The following KDM4B variants were observed in gnomAD, a reference collection of about 807,000 sequenced individuals.
KDM4B encodes lysine demethylase 4B, also known as lysine-specific demethylase 4B.
In KDM4B, 32 loss-of-function variants were observed where a neutral mutation model predicts 125.2. The ratio of observed to expected loss-of-function variants is 0.26; its 90% CI spans 0.19 to 0.34. KDM4B has a LOEUF of 0.34. KDM4B is among the 10% of genes least tolerant of loss of function. The pLI, the probability that KDM4B is intolerant of heterozygous loss-of-function variation, is 1.00. For synonymous variants in KDM4B, 721 were observed against 677.9 expected (o/e 1.06, Z -0.99); for missense variants, 1,190 against 1,577.7 (o/e 0.75, Z 4.16).
chr19:4,992,652 A>G (rs914551139), intron 1 of KDM4B, among the ~76,000 whole-genome samples: 20 of 152,024 alleles, frequency 1.3e-4, no homozygotes, highest in African/African-American at 4.8e-4. Context: ...GTCTCACTAT[A>G]TTTCCCCAGG....
At chr19:5,130,710 G>C (rs2039526866) in intron 11 of KDM4B, among the ~76,000 whole-genome samples, 1 of 152,188 alleles carries the variant, frequency 6.6e-6, no homozygotes, top group Non-Finnish European at 1.5e-5. Context: ...GGCCCACCCA[G>C]GTGGGAGCCC....
At chr19:5,138,924 C>G (rs779642919) in intron 18 of KDM4B, among the ~76,000 whole-genome samples, 3 of 152,172 alleles carry the variant, frequency 2.0e-5, no homozygotes, top group African/African-American at 7.2e-5. Context: ...CTTCTGCGAC[C>G]GGCTTCTTTC....
At chr19:5,101,573 G>A (rs576693369) in intron 9 of KDM4B, among the ~76,000 whole-genome samples, 1 of 152,002 alleles carries the variant, frequency 6.6e-6, no homozygotes, top group East Asian at 1.9e-4. Context: ...ACCCAAGTGG[G>A]CAATGGATGC....
chr19:5,031,792 G>T (rs145788415), intron 2 of KDM4B, among the ~76,000 whole-genome samples: 4 of 152,206 alleles, frequency 2.6e-5, no homozygotes, highest in African/African-American at 9.7e-5. Context: ...TCTAGTGCCC[G>T]CAGTGGGGAG....
At chr19:5,062,775 GTTTTTTTTTTT>G (rs34134889) in intron 6 of KDM4B, among the ~76,000 whole-genome samples, 1 of 89,866 alleles carries the variant, frequency 1.1e-5, no homozygotes, top group Non-Finnish European at 2.1e-5. Flanking sequence ...TAATTAAACT[GTTTTTTTTTTT>G]TTTTTTTTTT....
At chr19:5,109,820 G>T (rs1309856277) in intron 9 of KDM4B, among the ~76,000 whole-genome samples, 1 of 152,230 alleles carries the variant, frequency 6.6e-6, no homozygotes, top group Non-Finnish European at 1.5e-5. Context: ...CACATTCCGG[G>T]ATTCCTGTTG....
chr19:5,147,733 G>A lies in KDM4B; in HGVS notation c.3022-2625G>A, dbSNP rs1206004626. 3.4e-5 allele frequency among the ~76,000 whole-genome samples: 4 copies of A among 117,418 alleles called. No homozygotes were observed. In the South Asian group the frequency reaches 1.2e-3, roughly 34 times the overall value. The allele number at this position is 117,418 out of a possible 152,430, so 77.0% of individuals were successfully genotyped here. A position where few individuals can be genotyped will look rare whatever the true frequency, so the allele number is the denominator to read the frequency against. ...ACTCCAACCCGGGTGATGAAACAAAGCCCTGTCTCAAAAAAAAAAAAAAAA... is the reference window on the plus strand; with the variant it reads ...ACTCCAACCCGGGTGATGAAACAAAACCCTGTCTCAAAAAAAAAAAAAAAA... On this transcript the variant is annotated intron_variant, in intron 21 of 22. Transcript: ENST00000159111.
chr19:5,102,710 T>C (rs1400693521), intron 9 of KDM4B, among the ~76,000 whole-genome samples: 1 of 150,912 alleles, frequency 6.6e-6, no homozygotes, highest in Non-Finnish European at 1.5e-5. Context: ...GGGCGACGGG[T>C]GACGGGTGAC....
intron 5 of KDM4B, 101 bp from the exon 6 acceptor site, chr19:5,047,375 C>A: frequency 8.9e-7 from 1 of 1,122,436 alleles, no homozygotes. Context: ...GGAGGATGGG[C>A]AGCGACCCCT....
At chr19:5,029,078 T>G (rs1463875801) in intron 2 of KDM4B, among the ~76,000 whole-genome samples, 2 of 152,152 alleles carry the variant, frequency 1.3e-5, no homozygotes, top group Non-Finnish European at 2.9e-5. Context: ...ACCTGGCTAA[T>G]TTTTGTATTT....
chr19:5,014,351 G>A (rs1009211604), intron 1 of KDM4B, among the ~76,000 whole-genome samples: 10 of 152,030 alleles, frequency 6.6e-5, no homozygotes, highest in South Asian at 4.1e-4. Flanking sequence ...ATCTCGGCTC[G>A]CTGCAAGCTC....
rs1189029324 is a variant in KDM4B at position 5,151,466 on chromosome 19, G to A, written c.3246G>A (p.Val1082=). 6.6e-7 allele frequency: 1 copy of A among 1,519,216 alleles called. No homozygotes were observed. The highest frequency in any genetic ancestry group is 8.8e-7 in the Non-Finnish European group (1 of 1,134,060). The allele number at this position is 1,519,216 out of a possible 1,614,324, so 94.1% of individuals were successfully genotyped here. The part of the protein sequence containing the change: ...SGRSQDYVAF[V]ESLLQVQGRP... ...GGAGCCAGGACTACGTGGCCTTCGT[G>A]GAGAGCCTCCTGCAGGTGCAGGGCC... Residue 1082 remains valine (V), a synonymous_variant, in exon 23 of 23, where the codon GTG becomes GTA. Coordinates refer to ENST00000159111, the MANE Select transcript of KDM4B (RefSeq NM_015015.3).
At chr19:5,045,279 C>T (rs959809499) in intron 5 of KDM4B, among the ~76,000 whole-genome samples, 1 of 152,264 alleles carries the variant, frequency 6.6e-6, no homozygotes, top group Admixed American at 6.5e-5. Flanking sequence ...CCATTTCAAT[C>T]TGCATTCCCC....
At chr19:5,079,930 G>A (rs1250005708) in intron 8 of KDM4B, among the ~76,000 whole-genome samples, 2 of 152,070 alleles carry the variant, frequency 1.3e-5, no homozygotes, top group Admixed American at 1.3e-4. Context: ...ATTTCACGGA[G>A]CTCCCAGCGT....
chr19:5,029,639 C>A (rs936770820), intron 2 of KDM4B, among the ~76,000 whole-genome samples: 1 of 152,170 alleles, frequency 6.6e-6, no homozygotes, highest in Non-Finnish European at 1.5e-5. Context: ...GCAGCCAGGG[C>A]AACATGGCAA....
chr19:5,012,596 A>G (rs946630471), intron 1 of KDM4B, among the ~76,000 whole-genome samples: 1 of 152,114 alleles, frequency 6.6e-6, no homozygotes, highest in African/African-American at 2.4e-5. Flanking sequence ...GTGCCTGGAC[A>G]GTGTTGAGGG....
At chr19:5,087,572 G>A (rs947435407) in intron 9 of KDM4B, among the ~76,000 whole-genome samples, 1 of 152,208 alleles carries the variant, frequency 6.6e-6, no homozygotes, top group African/African-American at 2.4e-5. Context: ...CTGGGGGGTG[G>A]GGTAGGTAGT....
chr19:5,071,109 G>T (rs2037934171), intron 7 of KDM4B, 50 bp downstream of exon 7: 1 of 1,575,502 alleles, frequency 6.3e-7, no homozygotes, highest in East Asian at 2.3e-5. Context: ...GGTGGGAGGG[G>T]CCTGTGGGTG....
chr19:4,995,068 C>T (rs553658921), intron 1 of KDM4B, among the ~76,000 whole-genome samples: 2 of 152,280 alleles, frequency 1.3e-5, no homozygotes, highest in East Asian at 3.9e-4. Context: ...TTCTTTTGCT[C>T]ATTCCTCCTC....
Sources: gnomAD v4.1 joint callset for allele counts (sites outside exome capture counted in the v4.1 genomes callset) on GRCh38, gnomAD v4.1.1 for gene constraint, MANE v1.5 for transcripts, NCBI Gene and HGNC (gene_info 2026-07-23, HGNC 2026-07-21) for gene names.